The following COL22A1 variants were observed in gnomAD, a reference collection of about 807,000 sequenced individuals.
COL22A1 encodes collagen alpha-1(XXII) chain.
Under a neutral mutation model 248.9 loss-of-function variants are expected in COL22A1, and 221 were observed. The observed-to-expected ratio is 0.89, with a 90% CI of 0.80 to 0.99. The LOEUF is 0.99. COL22A1 is among the 50% of genes least tolerant of loss of function. The pLI, the probability that COL22A1 is intolerant of heterozygous loss-of-function variation, is 0.00. For synonymous variants in COL22A1, 891 were observed against 793.4 expected, an observed-to-expected ratio of 1.12 and a Z score of -2.07; for missense variants, 2,240 against 2,179.0, an observed-to-expected ratio of 1.03 and a Z score of -0.56.
At chr8:138,829,438 G>A (rs190016417) in intron 5 of COL22A1, among the ~76,000 whole-genome samples, 1,174 of 111,912 alleles carry the variant, frequency 0.01, 26 homozygotes, top group African/African-American at 0.038. Context: ...ACAGAGTCTC[G>A]CTTTGTCTTC....
At chr8:138,612,591 G>A (rs2131887973) in intron 56 of COL22A1, among the ~76,000 whole-genome samples, 1 of 152,166 alleles carries the variant, frequency 6.6e-6, no homozygotes, top group East Asian at 1.9e-4. Flanking sequence ...ATACTGAATA[G>A]GGTGGGCCCC....
intron 21 of COL22A1, among the ~76,000 whole-genome samples, chr8:138,753,453 G>A (rs1187081671): frequency 6.6e-6 from 1 of 152,174 alleles, no homozygotes; most frequent in Non-Finnish European, 1.5e-5. Context: ...TAGGCTAGAA[G>A]ACATCTTCAG....
At chr8:138,660,891 G>GGC (rs1823808687) in intron 43 of COL22A1, among the ~76,000 whole-genome samples, 5 of 9,026 alleles carry the variant, frequency 5.5e-4, no homozygotes, top group Non-Finnish European at 2.7e-3. Context: ...CACATACACA[G>GGC]ACACACAAAC....
At chr8:138,676,454 A>AAAAAAAGAAAGAAAGAAAGG (rs1554744070) in intron 41 of COL22A1, 104 bp downstream of exon 41, 2 of 396,726 alleles carry the variant, frequency 5.0e-6, no homozygotes, top group Non-Finnish European at 8.9e-6. Context: ...AGAAAGAAAG[A>AAAAAAAGAAAGAAAGAAAGG]AAGGAAGAAA....
intron 40 of COL22A1, among the ~76,000 whole-genome samples, chr8:138,679,176 C>T (rs1712452306): frequency 6.6e-6 from 1 of 152,186 alleles, no homozygotes; most frequent in South Asian, 2.1e-4. Context: ...CTATTATTAC[C>T]TTATATGCAG....
At chr8:138,767,026 T>A (rs1563734799) in intron 16 of COL22A1, among the ~76,000 whole-genome samples, 1 of 152,166 alleles carries the variant, frequency 6.6e-6, no homozygotes, top group South Asian at 2.1e-4. Context: ...ACGACTCAGA[T>A]CCAAACCCTG....
rs1563851993 is a variant in COL22A1 at position 138,858,476 on chromosome 8, G to A, written c.659-14318C>T. ...GCTCACTGCAGCCTCCAACTCCTGG[G>A]CTCAAGTGATCCCCCCACCCCAGCT... is the stretch of plus-strand genomic sequence containing the variant. On this transcript the variant is annotated intron_variant, in intron 3 of 64. Coordinates refer to ENST00000303045, the MANE Select transcript of COL22A1 (RefSeq NM_152888.3). Among the ~76,000 whole-genome samples the A allele has an allele frequency of 5.3e-5, 8 of 152,190 alleles. No homozygotes were observed. In the East Asian group the frequency reaches 1.5e-3, roughly 29 times the overall value.
chr8:138,760,325 C>T, intron 17 of COL22A1, 38 bp from the exon 18 acceptor site: 1 of 1,578,898 alleles, frequency 6.3e-7, no homozygotes, highest in Non-Finnish European at 8.6e-7. Context: ...ATGATGGGCA[C>T]TACGGATACG....
chr8:138,797,772 TCTAA>T (rs1478313587), intron 11 of COL22A1, among the ~76,000 whole-genome samples: 2 of 152,210 alleles, frequency 1.3e-5, no homozygotes, highest in Non-Finnish European at 2.9e-5. Context: ...TATTGAAGTC[TCTAA>T]CTATTGTTGA....
At position 138,606,449 on chromosome 8, in the gene COL22A1, G is replaced by A; in HGVS notation, c.4036C>T (p.Gln1346Ter). 1 of 1,613,556 alleles carries A rather than the reference G, an allele frequency of 6.2e-7. No homozygotes were observed. Among genetic ancestry groups the A allele is most frequent in the Non-Finnish European group, 8.5e-7 (1 of 1,179,842 alleles). ...GEPGPSGTPG[Q>*]KGSKGENGSP... ...CCATTTTCCCCTTTGCTTCCTTTCTGGCCCTGCAAAGAGAAAACTGAGAAT... is the reference window on the plus strand; with the variant it reads ...CCATTTTCCCCTTTGCTTCCTTTCTAGCCCTGCAAAGAGAAAACTGAGAAT... Residue 1346 changes from glutamine (Q) to a stop codon, truncating the protein, a stop_gained, in exon 58 of 65, where the codon CAG (glutamine) becomes TAG (stop). Coordinates refer to ENST00000303045, the MANE Select transcript of COL22A1 (RefSeq NM_152888.3). LOFTEE classifies it high-confidence loss of function.
intron 12 of COL22A1, among the ~76,000 whole-genome samples, chr8:138,782,613 C>T (rs1049649868): frequency 2.0e-5 from 3 of 151,612 alleles, no homozygotes; most frequent in African/African-American, 7.3e-5. Flanking sequence ...TTGCAGGTGC[C>T]CAGCCCTGGC....
rs140582347 is a variant in COL22A1 at position 138,616,786 on chromosome 8, T to A, written c.3870+128A>T. On this transcript the variant is annotated intron_variant, in intron 54 of 64. Coordinates refer to ENST00000303045, the MANE Select transcript of COL22A1 (RefSeq NM_152888.3). Reference sequence around the variant, plus strand: ...GGTGTCCCTGTGCTGGCTTGCTCCATGCTGGTGTGCTCCACGTCCTCTCTC... The same window carrying A: ...GGTGTCCCTGTGCTGGCTTGCTCCAAGCTGGTGTGCTCCACGTCCTCTCTC... 4.8e-5 allele frequency: 50 copies of A among 1,032,820 alleles called. No homozygotes were observed. In the East Asian group the frequency reaches 1.2e-3, roughly 25 times the overall value. The allele number at this position is 1,032,820 out of a possible 1,614,324, so 64.0% of individuals were successfully genotyped here.
At chr8:138,623,626 T>C in intron 52 of COL22A1, 106 bp downstream of exon 52, 1 of 905,302 alleles carries the variant, frequency 1.1e-6, no homozygotes, top group Non-Finnish European at 1.7e-6. Flanking sequence ...GCATAGAAAA[T>C]GCCTATCTTC....
chr8:138,778,367 G>C lies in COL22A1; in HGVS notation c.1744C>G (p.Arg582Gly), dbSNP rs746798190. The change falls in exon 15 of 65, where the codon CGT becomes GGT. Residue 582 changes from arginine (R) to glycine (G), a missense_variant. Arg to Gly is a moderately radical substitution (Grantham distance 125, BLOSUM62 -2). Coordinates refer to ENST00000303045, the MANE Select transcript of COL22A1 (RefSeq NM_152888.3). ...CCTTCACTTACAGGAGCTCCGACAC[G>C]TCCAGGAGGTCCGGGGAGTCCAGGT... ...GPPGLPGPPG[R>G]VGAPGLQGER... The C allele has an allele frequency of 1.1e-5, 18 of 1,613,466 alleles. 1 individual carries two copies. In the Admixed American group the frequency reaches 2.8e-4, roughly 25 times the overall value.
At chr8:138,879,541 A>T (rs1468805824) in intron 2 of COL22A1, among the ~76,000 whole-genome samples, 2 of 151,908 alleles carry the variant, frequency 1.3e-5, no homozygotes, top group African/African-American at 4.8e-5. Flanking sequence ...AAAATACAAA[A>T]ATTAGCCAGG....
At chr8:138,704,945 T>C (rs1294404119) in intron 30 of COL22A1, among the ~76,000 whole-genome samples, 1 of 152,158 alleles carries the variant, frequency 6.6e-6, no homozygotes, top group Non-Finnish European at 1.5e-5. Flanking sequence ...AATAACCTGA[T>C]GGAGCTGAAA....
intron 50 of COL22A1, among the ~76,000 whole-genome samples, chr8:138,627,931 C>T (rs915373388): frequency 9.2e-5 from 14 of 152,118 alleles, no homozygotes; most frequent in Non-Finnish European, 1.5e-4. Context: ...GTTTTGAAGA[C>T]GCTGACCAAA....
intron 60 of COL22A1, among the ~76,000 whole-genome samples, chr8:138,601,416 A>G (rs958563677): frequency 6.6e-6 from 1 of 152,016 alleles, no homozygotes; most frequent in Non-Finnish European, 1.5e-5. Context: ...TTTCAGGACC[A>G]TGGAAAACAA....
chr8:138,882,741 C>T (rs1425468165), intron 2 of COL22A1, among the ~76,000 whole-genome samples: 1 of 151,362 alleles, frequency 6.6e-6, no homozygotes, highest in African/African-American at 2.4e-5. Flanking sequence ...CTTCCTCAAA[C>T]TCACACACAT....
Sources: allele counts gnomAD v4.1 joint callset (sites outside exome capture counted in the v4.1 genomes callset), GRCh38; gene constraint gnomAD v4.1.1; transcripts MANE v1.5; gene names NCBI Gene and HGNC (gene_info 2026-07-23, HGNC 2026-07-21).